Variants in ALKBH8 observed in about 807,000 individuals in gnomAD.
ALKBH8 encodes alkB homolog 8, tRNA methyltransferase, also known as tRNA (carboxymethyluridine(34)-5-O)-methyltransferase ALKBH8.
A neutral mutation model predicts 59.8 loss-of-function variants in ALKBH8; 36 were observed. That is an observed-to-expected ratio of 0.60 (90% confidence interval 0.46 to 0.79). ALKBH8 has a LOEUF of 0.79. Ranked by LOEUF, ALKBH8 falls within the 30% of genes least tolerant of loss-of-function variation. The pLI is 0.00. For synonymous variants in ALKBH8, 276 were observed against 273.6 expected (o/e 1.01, Z -0.09); for missense variants, 768 against 801.0 (o/e 0.96, Z 0.50).
intron 8 of ALKBH8, among the ~76,000 whole-genome samples, chr11:107,525,887 G>A (rs1300654531): frequency 6.6e-6 from 1 of 151,512 alleles, no homozygotes; most frequent in Non-Finnish European, 1.5e-5. Flanking sequence ...GATGCCAAGA[G>A]GAAACAAATA....
chr11:107,512,203 A>G lies in ALKBH8; in HGVS notation c.1288-1167T>C, dbSNP rs557491940. ...GCTTAGTTCTAAGAATATCACATAT[A>G]TATGTAATATACAGACACACACACA... On this transcript the variant is annotated intron_variant, in intron 10 of 11. Transcript: ENST00000428149. Among the ~76,000 whole-genome samples the G allele has an allele frequency of 1.5e-4, 21 of 136,772 alleles. No individual in the cohort carries two copies. The South Asian group carries it at 1.6e-3, about 11-fold the overall frequency. The allele number at this position is 136,772 out of a possible 152,430, so 89.7% of individuals were successfully genotyped here.
At chr11:107,539,646 C>T (rs930085247) in intron 7 of ALKBH8, among the ~76,000 whole-genome samples, 1 of 140,230 alleles carries the variant, frequency 7.1e-6, no homozygotes, top group African/African-American at 2.5e-5. Flanking sequence ...AAACCTGTTT[C>T]CCTTCCCTGA....
chr11:107,527,526 A>G (rs1007564828), intron 8 of ALKBH8, among the ~76,000 whole-genome samples: 1 of 152,010 alleles, frequency 6.6e-6, no homozygotes, highest in African/African-American at 2.4e-5. Flanking sequence ...CTGTTGTAAG[A>G]AACAGAATTC....
chr11:107,552,724 T>C (rs1361491120), intron 5 of ALKBH8, among the ~76,000 whole-genome samples: 1 of 152,202 alleles, frequency 6.6e-6, no homozygotes, highest in Admixed American at 6.5e-5. Context: ...TTCTACTTCT[T>C]AGTAGTCTCC....
intron 1 of ALKBH8, among the ~76,000 whole-genome samples, chr11:107,561,889 T>C (rs2135597166): frequency 6.6e-6 from 1 of 152,326 alleles, no homozygotes; most frequent in South Asian, 2.1e-4. Flanking sequence ...GTTTATGCTT[T>C]CAACAAGTTT....
Position 107,564,751 on chromosome 11 carries a change from ATTAAT to A in ALKBH8, c.-7+845_-7+849del, listed in dbSNP as rs765464714. 3.3e-5 allele frequency among the ~76,000 whole-genome samples: 5 copies of A among 152,196 alleles called. No homozygotes were observed. The East Asian group carries it at 9.6e-4, about 29-fold the overall frequency. ...TTACTACATATTTTCTTACACTCTC[ATTAAT>A]TTGTTTATTCTGTCTTTCCCCATAA... On this transcript the variant is annotated intron_variant, in intron 1 of 11. Coordinates refer to ENST00000428149, the MANE Select transcript of ALKBH8 (RefSeq NM_138775.3).
chr11:107,523,880 G>C (rs1391402644), intron 9 of ALKBH8, among the ~76,000 whole-genome samples: 1 of 151,958 alleles, frequency 6.6e-6, no homozygotes, highest in Admixed American at 6.6e-5. Flanking sequence ...GGGATTACAG[G>C]TGTGAGCCAC....
At chr11:107,564,319 T>C (rs1183349279) in intron 1 of ALKBH8, among the ~76,000 whole-genome samples, 1 of 152,170 alleles carries the variant, frequency 6.6e-6, no homozygotes, top group Non-Finnish European at 1.5e-5. Flanking sequence ...ATAGAGAGCC[T>C]ATTATGAAAC....
intron 2 of ALKBH8, among the ~76,000 whole-genome samples, chr11:107,559,045 T>C (rs955840379): frequency 6.6e-6 from 1 of 152,268 alleles, no homozygotes; most frequent in African/African-American, 2.4e-5. Context: ...TCCCCTATAA[T>C]GTTCTCGTGG....
rs1862333473 is a variant in ALKBH8, at chr11:107,505,231, A to AC, written c.1438-17_1438-16insG. 1 of 1,504,574 alleles carries AC rather than the reference A, an allele frequency of 6.6e-7. No homozygotes were observed. Among genetic ancestry groups the AC allele is most frequent in the African/African-American group, 1.4e-5 (1 of 71,240 alleles). The allele number at this position is 1,504,574 out of a possible 1,614,324, so 93.2% of individuals were successfully genotyped here. Reference sequence around the variant, plus strand: ...CTCTACGCTCCTAATGAAAAAAAACAAAACACATGATCAACCTGGAAGAGA... The same window carrying AC: ...CTCTACGCTCCTAATGAAAAAAAACACAAACACATGATCAACCTGGAAGAGA... On this transcript the variant is annotated splice_polypyrimidine_tract_variant and intron_variant, in intron 11 of 11. Transcript: ENST00000428149.
rs1195436306 is a variant in ALKBH8 at position 107,511,037 on chromosome 11, C to T, written c.1288-1G>A. On this transcript the variant is annotated splice_acceptor_variant, in intron 10 of 11. Coordinates refer to ENST00000428149, the MANE Select transcript of ALKBH8 (RefSeq NM_138775.3). LOFTEE classifies it high-confidence loss of function. ...GGTTTTGGCTACGATCACAACCAATCTGTAACAGAGAAGGAATTCCATAAC... is the reference window on the plus strand; with the variant it reads ...GGTTTTGGCTACGATCACAACCAATTTGTAACAGAGAAGGAATTCCATAAC... 1 of 1,551,064 alleles carries T rather than the reference C, an allele frequency of 6.4e-7. No individual in the cohort carries two copies. Among genetic ancestry groups the T allele is most frequent in the East Asian group, 2.4e-5 (1 of 40,928 alleles).
intron 10 of ALKBH8, among the ~76,000 whole-genome samples, chr11:107,519,642 T>C (rs1306900112): frequency 2.6e-5 from 4 of 152,204 alleles, no homozygotes; most frequent in Non-Finnish European, 5.9e-5. Flanking sequence ...GAATACATAC[T>C]GGTTGAGAGT....
chr11:107,561,490 G>C (rs1244219793), intron 1 of ALKBH8, among the ~76,000 whole-genome samples: 1 of 152,104 alleles, frequency 6.6e-6, no homozygotes, highest in Non-Finnish European at 1.5e-5. Flanking sequence ...GAGCATCAAA[G>C]GGTGTTTCTT....
At chr11:107,510,782 G>A (rs554815620) in intron 11 of ALKBH8, 105 bp downstream of exon 11, 466 of 1,202,450 alleles carry the variant, frequency 3.9e-4, no homozygotes, top group Non-Finnish European at 5.0e-4. Flanking sequence ...AAAAGAGAAC[G>A]GAAAGAACTG....
intron 7 of ALKBH8, among the ~76,000 whole-genome samples, chr11:107,538,533 G>T (rs1472951232): frequency 6.6e-6 from 1 of 152,118 alleles, no homozygotes; most frequent in African/African-American, 2.4e-5. Flanking sequence ...AGTCAATAAA[G>T]ATCAAGTGCC....
intron 1 of ALKBH8, among the ~76,000 whole-genome samples, chr11:107,562,385 T>C (rs1864973259): frequency 6.6e-6 from 1 of 150,670 alleles, no homozygotes. Flanking sequence ...ATAAGAACAC[T>C]ATAGAATCAA....
At position 107,551,811 on chromosome 11, in the gene ALKBH8, G is replaced by C. The variant is rs757409139; in HGVS notation, c.697C>G (p.Gln233Glu). The C allele has an allele frequency of 6.5e-7, 1 of 1,533,622 alleles. No homozygotes were observed. Among genetic ancestry groups the C allele is most frequent in the Admixed American group, 2.2e-5 (1 of 45,644 alleles). ...QMTINQYEPG[Q>E]GIPAHIDTHS... is the part of the protein sequence containing the mutation. Reference sequence around the variant, plus strand: ...TTTTTGAACAAGAAATACTCACCTTGCCCAGGTTCATACTGATTTATGGTC... The same window carrying C: ...TTTTTGAACAAGAAATACTCACCTTCCCCAGGTTCATACTGATTTATGGTC... Residue 233 changes from glutamine (Q) to glutamate (E), a missense_variant, in exon 6 of 12, where the codon CAA (glutamine) becomes GAA (glutamate). Coordinates refer to ENST00000428149, the MANE Select transcript of ALKBH8 (RefSeq NM_138775.3).
chr11:107,551,929 T>C lies in ALKBH8; in HGVS notation c.596-17A>G, dbSNP rs2135573521. The C allele has an allele frequency of 1.5e-6, 2 of 1,373,652 alleles. No individual in the cohort carries two copies. Among genetic ancestry groups the C allele is most frequent in the East Asian group, 5.4e-5 (2 of 36,770 alleles). 85.1% of individuals were successfully genotyped at this position (1,373,652 alleles called of 1,614,324 possible). On this transcript the variant is annotated splice_polypyrimidine_tract_variant and intron_variant, in intron 5 of 11. Transcript: ENST00000428149. ...CAGGAAGACCTACAATGAGTAATCA[T>C]AAAGACAAAACATTAAAATATTTAC...
chr11:107,524,727 A>C (rs1863279747), intron 9 of ALKBH8, among the ~76,000 whole-genome samples: 1 of 152,208 alleles, frequency 6.6e-6, no homozygotes, highest in South Asian at 2.1e-4. Context: ...AGATATAGTA[A>C]GAGTTTTTAA....
Sources: gnomAD v4.1 joint callset for allele counts (sites outside exome capture counted in the v4.1 genomes callset) on GRCh38, gnomAD v4.1.1 for gene constraint, MANE v1.5 for transcripts, NCBI Gene and HGNC (gene_info 2026-07-23, HGNC 2026-07-21) for gene names.